Variants in GMDS observed in about 807,000 individuals in gnomAD.
GMDS encodes the protein GDP-mannose 4,6-dehydratase, also known as GDP-mannose 4,6 dehydratase.
A neutral mutation model predicts 49.9 loss-of-function variants in GMDS; 20 were observed. The observed-to-expected ratio is 0.40, with a 90% CI of 0.28 to 0.58. The LOEUF (loss-of-function observed/expected upper bound fraction) is 0.58, where lower values mean the gene tolerates loss of function less well. Among genes scored for constraint, GMDS ranks in the 20% least tolerant of loss-of-function variants. The pLI is 0.42. For missense variants in GMDS, 362 were observed against 481.4 expected (o/e 0.75, Z 2.32); for synonymous variants, 177 against 178.6 (o/e 0.99, Z 0.07).
intron 1 of GMDS, among the ~76,000 whole-genome samples, chr6:2,218,059 G>T (rs1780417931): frequency 6.6e-6 from 1 of 152,200 alleles, no homozygotes; most frequent in African/African-American, 2.4e-5. Context: ...ACGATCACCT[G>T]TGGGGGTACC....
intron 9 of GMDS, among the ~76,000 whole-genome samples, chr6:1,675,501 G>A (rs1441555706): frequency 6.6e-6 from 1 of 152,072 alleles, no homozygotes; most frequent in Non-Finnish European, 1.5e-5. Flanking sequence ...TGGAAGAAGG[G>A]ACATCCTTAC....
At chr6:1,824,902 CA>C (rs1236950445) in intron 7 of GMDS, among the ~76,000 whole-genome samples, 4 of 152,120 alleles carry the variant, frequency 2.6e-5, no homozygotes, top group Non-Finnish European at 5.9e-5. Flanking sequence ...TCCTGCCTCC[CA>C]AATATGATTT....
intron 1 of GMDS, among the ~76,000 whole-genome samples, chr6:2,158,874 G>T (rs571852551): frequency 6.6e-6 from 1 of 152,120 alleles, no homozygotes; most frequent in Admixed American, 6.5e-5. Flanking sequence ...TGCCAGAGGC[G>T]GTGAGGTGAG....
At chr6:1,632,459 C>T (rs1423988883) in intron 9 of GMDS, among the ~76,000 whole-genome samples, 1 of 152,184 alleles carries the variant, frequency 6.6e-6, no homozygotes, top group South Asian at 2.1e-4. Context: ...AAGGAACTTT[C>T]TGGAGTGAGG....
At chr6:2,181,676 T>C (rs1435076253) in intron 1 of GMDS, among the ~76,000 whole-genome samples, 8 of 152,188 alleles carry the variant, frequency 5.3e-5, no homozygotes, top group East Asian at 1.9e-4. Context: ...TGTAATTGTT[T>C]AGGGGAACCA....
intron 9 of GMDS, among the ~76,000 whole-genome samples, chr6:1,719,195 G>T (rs776553565): frequency 8.5e-5 from 13 of 152,142 alleles, no homozygotes; most frequent in Non-Finnish European, 1.6e-4. Context: ...GTCAGTGGTG[G>T]ACCTATCACC....
chr6:1,690,376 C>T (rs1052858601), intron 9 of GMDS, among the ~76,000 whole-genome samples: 43 of 152,126 alleles, frequency 2.8e-4, no homozygotes, highest in African/African-American at 9.6e-4. Context: ...GTCTTTAATC[C>T]ATCTTGAGTT....
intron 9 of GMDS, among the ~76,000 whole-genome samples, chr6:1,690,693 GGGCAAA>G (rs1581463717): frequency 1.3e-5 from 2 of 152,248 alleles, no homozygotes; most frequent in Admixed American, 1.3e-4. Context: ...ATTAAAAAGT[GGGCAAA>G]GGACACAAAC....
chr6:1,711,920 C>A (rs1490790279), intron 9 of GMDS, among the ~76,000 whole-genome samples: 1 of 152,224 alleles, frequency 6.6e-6, no homozygotes, highest in Non-Finnish European at 1.5e-5. Flanking sequence ...AGCAGCACTG[C>A]ACAGTCACCA....
At chr6:2,094,506 C>A (rs1315010253) in intron 4 of GMDS, among the ~76,000 whole-genome samples, 1 of 152,184 alleles carries the variant, frequency 6.6e-6, no homozygotes, top group Non-Finnish European at 1.5e-5. Context: ...AAAGAGAAGA[C>A]GGTCGTGCCA....
intron 8 of GMDS, among the ~76,000 whole-genome samples, chr6:1,739,635 C>T (rs1767183826): frequency 6.6e-6 from 1 of 152,246 alleles, no homozygotes; most frequent in Non-Finnish European, 1.5e-5. Flanking sequence ...CAGCCACAGT[C>T]CTTCCTCAGG....
At chr6:2,096,016 A>G (rs1429414623) in intron 4 of GMDS, among the ~76,000 whole-genome samples, 1 of 152,216 alleles carries the variant, frequency 6.6e-6, no homozygotes, top group Non-Finnish European at 1.5e-5. Flanking sequence ...TATACCTGAT[A>G]AAAAGTTAAT....
At chr6:1,937,827 T>C (rs1323631) in intron 6 of GMDS, among the ~76,000 whole-genome samples, 43,529 of 152,054 alleles carry the variant, frequency 0.29, 6,889 homozygotes, top group Middle Eastern at 0.35. Flanking sequence ...TATTAGGATG[T>C]GGACATATCT....
chr6:1,688,175 T>C (rs938384632), intron 9 of GMDS, among the ~76,000 whole-genome samples: 6 of 152,160 alleles, frequency 3.9e-5, no homozygotes, highest in Admixed American at 3.9e-4. Context: ...ATGGATAAGT[T>C]GTGGGGTGTG....
intron 9 of GMDS, among the ~76,000 whole-genome samples, chr6:1,677,116 A>G (rs1487249108): frequency 1.3e-5 from 2 of 152,254 alleles, no homozygotes; most frequent in African/African-American, 2.4e-5. Context: ...AAAAGTGGGC[A>G]AAGGATACGA....
intron 9 of GMDS, among the ~76,000 whole-genome samples, chr6:1,631,502 TCCGCCCCA>T (rs1763000148): frequency 6.6e-6 from 1 of 152,044 alleles, no homozygotes; most frequent in African/African-American, 2.4e-5. Context: ...TGTCCCCCCC[TCCGCCCCA>T]CCACCACTGC....
At chr6:1,695,964 A>G (rs1439409641) in intron 9 of GMDS, among the ~76,000 whole-genome samples, 1 of 147,966 alleles carries the variant, frequency 6.8e-6, no homozygotes, top group Non-Finnish European at 1.5e-5. Context: ...GACAAAAACA[A>G]TGCTGGAGGA....
chr6:2,058,743 T>C (rs1770928649), intron 4 of GMDS, among the ~76,000 whole-genome samples: 1 of 152,180 alleles, frequency 6.6e-6, no homozygotes, highest in South Asian at 2.1e-4. Context: ...TATTGTCATG[T>C]GAGTCAGAGC....
At chr6:2,157,120 C>A (rs543215901) in intron 1 of GMDS, among the ~76,000 whole-genome samples, 2 of 152,160 alleles carry the variant, frequency 1.3e-5, no homozygotes, top group Non-Finnish European at 2.9e-5. Flanking sequence ...CAGCACAGAT[C>A]GTCTTCATAG....
Sources: gnomAD v4.1 joint callset for allele counts (sites outside exome capture counted in the v4.1 genomes callset) on GRCh38, gnomAD v4.1.1 for gene constraint, MANE v1.5 for transcripts, NCBI Gene and HGNC (gene_info 2026-07-23, HGNC 2026-07-21) for gene names.